Variants in PALLD observed in about 807,000 individuals in gnomAD.
PALLD encodes palladin.
In PALLD, 61 loss-of-function variants were observed where a neutral mutation model predicts 123.5. The observed-to-expected ratio is 0.49, with a 90% CI of 0.40 to 0.61. The LOEUF (loss-of-function observed/expected upper bound fraction) is 0.61, where lower values mean the gene tolerates loss of function less well. Ranked by LOEUF, PALLD falls within the 20% of genes least tolerant of loss-of-function variation. PALLD has a pLI of 0.00. For missense variants in PALLD, 1,273 were observed against 1,377.0 expected, an observed-to-expected ratio of 0.92 and a Z score of 1.20; for synonymous variants, 465 against 496.4, an observed-to-expected ratio of 0.94 and a Z score of 0.84.
chr4:168,677,493 G>A (rs1490374788), intron 3 of PALLD, among the ~76,000 whole-genome samples: 1 of 152,066 alleles, frequency 6.6e-6, no homozygotes, highest in Non-Finnish European at 1.5e-5. Context: ...CTAAAGAGAG[G>A]TCATCAGAAG....
intron 6 of PALLD, among the ~76,000 whole-genome samples, chr4:168,687,213 T>C (rs1159353735): frequency 6.6e-6 from 1 of 152,202 alleles, no homozygotes; most frequent in Non-Finnish European, 1.5e-5. Context: ...CTTTATAAAA[T>C]ATCTTTTCAT....
intron 2 of PALLD, among the ~76,000 whole-genome samples, chr4:168,637,835 C>G (rs1254130932): frequency 4.6e-5 from 7 of 150,698 alleles, no homozygotes; most frequent in Non-Finnish European, 1.0e-4. Flanking sequence ...TCCCAGCTAC[C>G]CGGTTGGCTG....
intron 10 of PALLD, among the ~76,000 whole-genome samples, chr4:168,726,949 T>C (rs7666684): frequency 0.081 from 12,300 of 152,276 alleles, 504 homozygotes; most frequent in South Asian, 0.13. Context: ...GCTCAATGTT[T>C]AGCTCTCACT....
At chr4:168,782,929 C>CA (rs897402118) in intron 10 of PALLD, among the ~76,000 whole-genome samples, 9 of 150,402 alleles carry the variant, frequency 6.0e-5, no homozygotes, top group African/African-American at 9.8e-5. Context: ...TAAAAAACAA[C>CA]AAAAAAAAAC....
At chr4:168,547,136 A>T (rs1050649192) in intron 2 of PALLD, among the ~76,000 whole-genome samples, 4 of 152,280 alleles carry the variant, frequency 2.6e-5, no homozygotes, top group Non-Finnish European at 5.9e-5. Context: ...ACAAGGGGTT[A>T]TAAGGAGCCG....
At chr4:168,916,660 T>A (rs551007439) in intron 17 of PALLD, among the ~76,000 whole-genome samples, 179 of 151,422 alleles carry the variant, frequency 1.2e-3, no homozygotes, top group South Asian at 2.1e-3. Context: ...CTACTCTGAC[T>A]TTTATTCCTC....
intron 2 of PALLD, among the ~76,000 whole-genome samples, chr4:168,603,321 G>GC (rs1421749514): frequency 1.3e-5 from 2 of 152,068 alleles, no homozygotes; most frequent in Non-Finnish European, 2.9e-5. Flanking sequence ...ACATACAGCA[G>GC]TTTTTTGTTC....
At chr4:168,595,009 C>G (rs1771835640) in intron 2 of PALLD, among the ~76,000 whole-genome samples, 1 of 152,058 alleles carries the variant, frequency 6.6e-6, no homozygotes, top group Admixed American at 6.6e-5. Flanking sequence ...TTTTGCAGCT[C>G]AAGGTCAAAT....
chr4:168,581,178 A>G (rs1036663601), intron 2 of PALLD, among the ~76,000 whole-genome samples: 13 of 152,080 alleles, frequency 8.5e-5, no homozygotes, highest in African/African-American at 2.7e-4. Flanking sequence ...TTGTTTCCAA[A>G]TCTTGGCTGT....
intron 11 of PALLD, 197 bp from the exon 12 acceptor site, chr4:168,894,382 G>A (rs1754676319): frequency 3.3e-6 from 2 of 599,332 alleles, no homozygotes; most frequent in Admixed American, 2.5e-5. Context: ...CTCTGGATTA[G>A]GCCATTAGTA....
chr4:168,707,411 G>A (rs925044419), intron 8 of PALLD, among the ~76,000 whole-genome samples: 16 of 152,206 alleles, frequency 1.1e-4, no homozygotes, highest in East Asian at 7.7e-4. Context: ...CCAGGATGAC[G>A]AGGAACGAGT....
At chr4:168,757,576 CAGAA>C (rs1459066185) in intron 10 of PALLD, among the ~76,000 whole-genome samples, 17 of 152,320 alleles carry the variant, frequency 1.1e-4, no homozygotes, top group African/African-American at 3.6e-4. Context: ...TATTTTCTGA[CAGAA>C]AGAACGAAAT....
intron 10 of PALLD, chr4:168,832,090 C>T: frequency 4.4e-5 from 42 of 962,074 alleles, no homozygotes; most frequent in Non-Finnish European, 5.1e-5. Context: ...TGCCCCGCGC[C>T]CGGTCCGCGG....
intron 2 of PALLD, among the ~76,000 whole-genome samples, chr4:168,643,122 T>G (rs1156875573): frequency 6.6e-6 from 1 of 152,208 alleles, no homozygotes; most frequent in African/African-American, 2.4e-5. Flanking sequence ...ATACAAATGT[T>G]GGATGACTTG....
chr4:168,809,492 GA>G (rs1164617471), intron 10 of PALLD, among the ~76,000 whole-genome samples: 1 of 152,160 alleles, frequency 6.6e-6, no homozygotes, highest in Non-Finnish European at 1.5e-5. Flanking sequence ...TAAGAAAGAA[GA>G]AATGCTCCAG....
rs1235019795 is a variant in PALLD, at chr4:168,711,652, C to G, written c.1693C>G (p.Pro565Ala). 6.2e-7 allele frequency: 1 copy of G among 1,614,034 alleles called. No individual in the cohort carries two copies. Among genetic ancestry groups the G allele is most frequent in the South Asian group, 1.1e-5 (1 of 91,062 alleles). ...NNDHFQHFPP[P>A]PPILETSSLE... ...TGACCACTTCCAACACTTTCCACCTCCCCCTCCAATCTTGGAGACAAGTTC... is the reference window on the plus strand; with the variant it reads ...TGACCACTTCCAACACTTTCCACCTGCCCCTCCAATCTTGGAGACAAGTTC... The change falls in exon 10 of 22, where the codon CCC becomes GCC. Residue 565 changes from proline to alanine, a missense_variant. By Grantham distance (27) the Pro-to-Ala change is conservative. This residue lies in a region of PALLD where 944 missense variants were observed against 954.5 expected (regional missense o/e 0.99). Coordinates refer to ENST00000505667, the MANE Select transcript of PALLD (RefSeq NM_001166108.2).
chr4:168,503,611 C>T (rs1227331264), intron 1 of PALLD, among the ~76,000 whole-genome samples: 1 of 148,468 alleles, frequency 6.7e-6, no homozygotes, highest in African/African-American at 2.5e-5. Flanking sequence ...GGAGCCACTG[C>T]ACTCCAGCCT....
chr4:168,862,767 A>G (rs947978723), intron 10 of PALLD, among the ~76,000 whole-genome samples: 1 of 152,212 alleles, frequency 6.6e-6, no homozygotes, highest in Non-Finnish European at 1.5e-5. Flanking sequence ...TAAAACTTCA[A>G]TGGAAATGAA....
chr4:168,768,779 T>G (rs1039717577), intron 10 of PALLD, among the ~76,000 whole-genome samples: 14 of 152,118 alleles, frequency 9.2e-5, no homozygotes, highest in African/African-American at 3.4e-4. Flanking sequence ...TTCAAGCAAT[T>G]CCCATGCCAC....
Sources: allele counts gnomAD v4.1 joint callset (sites outside exome capture counted in the v4.1 genomes callset), GRCh38; gene constraint gnomAD v4.1.1; regional missense constraint gnomAD v4.1.1; transcripts MANE v1.5; gene names NCBI Gene and HGNC (gene_info 2026-07-23, HGNC 2026-07-21).